Variants in ITPR2 observed in about 807,000 individuals in gnomAD.
ITPR2 encodes the protein inositol 1,4,5-trisphosphate receptor type 2.
In ITPR2, 207 loss-of-function variants were observed where a neutral mutation model predicts 317.1. That is an observed-to-expected ratio of 0.65 (90% CI 0.58 to 0.73). ITPR2 has a LOEUF of 0.73. Ranked by LOEUF, ITPR2 falls within the 30% of genes least tolerant of loss-of-function variation. The probability of loss-of-function intolerance (pLI) is 0.00; values close to 1 mark genes in which losing one functional copy is unlikely to be tolerated. For synonymous variants in ITPR2, 1,156 were observed against 1,149.1 expected, an observed-to-expected ratio of 1.01 and a Z score of -0.12; for missense variants, 2,613 against 3,284.0, an observed-to-expected ratio of 0.80 and a Z score of 4.99.
At chr12:26,579,877 G>A in intron 33 of ITPR2, 150 bp downstream of exon 33, 1 of 515,456 alleles carries the variant, frequency 1.9e-6, no homozygotes, top group Non-Finnish European at 3.3e-6. Context: ...GTAAAGTTTG[G>A]TAAACTCAGA....
chr12:26,643,891 A>G (rs1278988878), intron 21 of ITPR2, among the ~76,000 whole-genome samples: 2 of 152,202 alleles, frequency 1.3e-5, no homozygotes, highest in African/African-American at 4.8e-5. Context: ...TTTTTGGAAA[A>G]TCCTCAGCCT....
At chr12:26,798,870 G>A (rs1950503984) in intron 1 of ITPR2, among the ~76,000 whole-genome samples, 1 of 152,194 alleles carries the variant, frequency 6.6e-6, no homozygotes, top group African/African-American at 2.4e-5. Context: ...ATGCAAAACA[G>A]ATGCAACATG....
chr12:26,553,063 A>G (rs1944567899), intron 36 of ITPR2, among the ~76,000 whole-genome samples: 2 of 152,204 alleles, frequency 1.3e-5, no homozygotes, highest in African/African-American at 4.8e-5. Context: ...GTGTGTGTAT[A>G]AACTCACACA....
At chr12:26,639,238 G>A (rs1246634325) in intron 21 of ITPR2, among the ~76,000 whole-genome samples, 1 of 152,128 alleles carries the variant, frequency 6.6e-6, no homozygotes, top group Non-Finnish European at 1.5e-5. Context: ...CAGAAGTAAG[G>A]CTGCTTGCTG....
intron 21 of ITPR2, among the ~76,000 whole-genome samples, chr12:26,647,808 G>A (rs1427543122): frequency 6.6e-6 from 1 of 152,236 alleles, no homozygotes; most frequent in African/African-American, 2.4e-5. Context: ...TAGTCCTGAA[G>A]ATCTGATCTT....
intron 32 of ITPR2, among the ~76,000 whole-genome samples, chr12:26,584,793 G>A (rs756828344): frequency 5.9e-5 from 9 of 152,156 alleles, no homozygotes; most frequent in Admixed American, 1.3e-4. Context: ...ACAGGGCAGG[G>A]CACCTCTAGA....
intron 2 of ITPR2, among the ~76,000 whole-genome samples, chr12:26,781,990 CTGTATATATATA>C (rs1263931895): frequency 1.2e-4 from 7 of 60,350 alleles, no homozygotes; most frequent in African/African-American, 4.6e-4. Flanking sequence ...ATAAACTCCC[CTGTATATATATA>C]TATATATATA....
In ITPR2 at chr12:26,339,500, A is replaced by G; in HGVS notation, c.8020-17T>C. 10 of 1,608,678 alleles carry G rather than the reference A, an allele frequency of 6.2e-6. No homozygotes were observed. The highest frequency in any genetic ancestry group is 8.5e-6 in the Non-Finnish European group (10 of 1,175,406). ...TTCTGTCATCTGGGGGAAAAGAGAG[A>G]GTGTGTGTTCAGCGGATTTTCTCAC... On this transcript the variant is annotated splice_polypyrimidine_tract_variant and intron_variant, in intron 56 of 56. Coordinates refer to ENST00000381340, the MANE Select transcript of ITPR2 (RefSeq NM_002223.4).
rs1249414255 is a variant in ITPR2 at position 26,831,798 on chromosome 12, TATA to T, written c.92+889_92+891del. On this transcript the variant is annotated intron_variant, in intron 1 of 56. Coordinates refer to ENST00000381340, the MANE Select transcript of ITPR2 (RefSeq NM_002223.4). The surrounding 1 kb of genome is among the most constrained non-coding windows in gnomAD (Gnocchi z 4.9). ...CTACATAAAATATATAAATATATAT[TATA>T]CATAAAATATATAAATATATATTAT... is the stretch of plus-strand genomic sequence containing the variant. Among the ~76,000 whole-genome samples, 587 of 126,140 alleles carry T rather than the reference TATA, an allele frequency of 4.7e-3. 55 individuals carry two copies. The highest frequency in any genetic ancestry group is 0.018 in the African/African-American group (566 of 31,012). The allele number at this position is 126,140 out of a possible 152,430, so 82.8% of individuals were successfully genotyped here.
intron 2 of ITPR2, among the ~76,000 whole-genome samples, chr12:26,784,654 C>A (rs1950178384): frequency 6.6e-6 from 1 of 151,604 alleles, no homozygotes. Flanking sequence ...CTCAATGGTG[C>A]CCAGGCTGGA....
chr12:26,715,981 C>T, intron 6 of ITPR2, 146 bp from the exon 7 acceptor site: 1 of 724,528 alleles, frequency 1.4e-6, no homozygotes, highest in Non-Finnish European at 2.3e-6. Context: ...AGAGACCATC[C>T]AAAAATAGCA....
rs570790924 is a variant in ITPR2, at chr12:26,584,677, T to C, written c.4381-4522A>G. ...ATTAGACACAGGTGCCTACTGAACA[T>C]TTGAAATGTGACTAGTGCAACTGAG... On this transcript the variant is annotated intron_variant, in intron 32 of 56. Transcript: ENST00000381340. Among the ~76,000 whole-genome samples, 10 of 152,306 alleles carry C rather than the reference T, an allele frequency of 6.6e-5. No individual in the cohort carries two copies. The South Asian group carries it at 1.7e-3, about 25-fold the overall frequency.
intron 49 of ITPR2, among the ~76,000 whole-genome samples, chr12:26,420,889 TG>T (rs1414747705): frequency 6.6e-6 from 1 of 152,150 alleles, no homozygotes; most frequent in Non-Finnish European, 1.5e-5. Context: ...TTATTTAAAT[TG>T]TTTTGAATGC....
At chr12:26,489,387 A>G (rs1343706447) in intron 39 of ITPR2, among the ~76,000 whole-genome samples, 2 of 152,198 alleles carry the variant, frequency 1.3e-5, no homozygotes, top group Non-Finnish European at 2.9e-5. Context: ...GAAATATCCT[A>G]GTGGTGAGGA....
chr12:26,342,158 T>G (rs375942070), intron 55 of ITPR2, among the ~76,000 whole-genome samples: 1 of 151,994 alleles, frequency 6.6e-6, no homozygotes, highest in Non-Finnish European at 1.5e-5. Context: ...TGTGTCTCTC[T>G]GGGATGAGCA....
chr12:26,493,215 C>T (rs1014300001), intron 39 of ITPR2, among the ~76,000 whole-genome samples: 5 of 152,054 alleles, frequency 3.3e-5, no homozygotes, highest in African/African-American at 1.2e-4. Flanking sequence ...ACTTGCTGCT[C>T]GTGAGGCCTT....
chr12:26,593,403 T>C (rs903974781), intron 32 of ITPR2, among the ~76,000 whole-genome samples: 2 of 152,210 alleles, frequency 1.3e-5, no homozygotes, highest in Non-Finnish European at 2.9e-5. Flanking sequence ...CTTAGTTTTA[T>C]AACTTGAATT....
At chr12:26,532,984 C>T (rs1030133337) in intron 37 of ITPR2, among the ~76,000 whole-genome samples, 1 of 152,184 alleles carries the variant, frequency 6.6e-6, no homozygotes, top group African/African-American at 2.4e-5. Flanking sequence ...CCGTGCCCGG[C>T]CCAGAATAAT....
chr12:26,561,890 T>C lies in ITPR2; in HGVS notation c.4693A>G (p.Lys1565Glu), dbSNP rs781004397. 1.1e-5 allele frequency: 18 copies of C among 1,584,964 alleles called. No individual in the cohort carries two copies. The East Asian group carries it at 4.0e-4, about 35-fold the overall frequency. ...CTCTGCACCATATTTGAATGGCTCT[T>C]CATGAAAAGAGTATTAACTTGGCTG... ...LDSQVNTLFMKSHSNMVQRAA... is the reference protein window; with the variant it reads ...LDSQVNTLFMESHSNMVQRAA... The change falls in exon 35 of 57, where the codon AAG becomes GAG. Residue 1565 changes from lysine to glutamate, a missense_variant. By Grantham distance (56) the Lys-to-Glu change is moderately conservative. Coordinates refer to ENST00000381340, the MANE Select transcript of ITPR2 (RefSeq NM_002223.4).
Sources: allele counts gnomAD v4.1 joint callset (sites outside exome capture counted in the v4.1 genomes callset), GRCh38; gene constraint gnomAD v4.1.1; non-coding constraint Gnocchi (gnomAD v3.1); transcripts MANE v1.5; gene names NCBI Gene and HGNC (gene_info 2026-07-23, HGNC 2026-07-21).